The following DESI2 variants were observed in gnomAD, a reference collection of about 807,000 sequenced individuals.
DESI2 encodes deubiquitinase DESI2.
DESI2 carries 10 observed loss-of-function variants against 24.1 expected under a neutral mutation model. The observed-to-expected ratio is 0.41, with a 90% CI of 0.26 to 0.70. DESI2 has a LOEUF of 0.70. DESI2 is among the 30% of genes least tolerant of loss of function. The pLI is 0.29. For synonymous variants in DESI2, 71 were observed against 87.7 expected (o/e 0.81, Z 1.06); for missense variants, 122 against 234.9 (o/e 0.52, Z 3.14).
At position 244,692,718 on chromosome 1, in the gene DESI2, G is replaced by T. The variant is rs535157800; in HGVS notation, c.351+698G>T. Among the ~76,000 whole-genome samples the T allele has an allele frequency of 8.0e-4, 122 of 152,194 alleles. 2 individuals are homozygous for T. Among genetic ancestry groups the T allele is most frequent in the South Asian group, 1.2e-3 (6 of 4,824 alleles). On this transcript the variant is annotated intron_variant, in intron 4 of 4. Coordinates refer to ENST00000302550, the MANE Select transcript of DESI2 (RefSeq NM_016076.5). Reference sequence around the variant, plus strand: ...CCTCTGCAGAAATGCTTCGCTCCTTGGCCCTTTTTACTTCCCTCATGGCTT... The same window carrying T: ...CCTCTGCAGAAATGCTTCGCTCCTTTGCCCTTTTTACTTCCCTCATGGCTT...
rs1285040274 is a variant in DESI2, at chr1:244,708,041, G to C, written c.*2252G>C. ...CTTTAGAAAATCTCATTCAAGTCAG[G>C]TTCTTCTCTACAGTTCAAAATTGAG... is the stretch of plus-strand genomic sequence containing the variant. On this transcript the variant is annotated 3_prime_UTR_variant, in exon 5 of 5. Transcript: ENST00000302550. 1.3e-5 allele frequency: 2 copies of C among 152,118 alleles called. No individual in the cohort carries two copies. Among genetic ancestry groups the C allele is most frequent in the African/African-American group, 4.8e-5 (2 of 41,416 alleles). The allele number at this position is 152,118 out of a possible 1,614,324, so 9.4% of individuals were successfully genotyped here.
intron 1 of DESI2, among the ~76,000 whole-genome samples, chr1:244,686,396 C>T (rs1338178494): frequency 6.6e-6 from 1 of 151,960 alleles, no homozygotes; most frequent in East Asian, 1.9e-4. Flanking sequence ...TGTGCTTATA[C>T]TCAAATCGCG....
chr1:244,685,942 C>T (rs574263515), intron 1 of DESI2, among the ~76,000 whole-genome samples: 5 of 152,164 alleles, frequency 3.3e-5, no homozygotes, highest in Admixed American at 6.5e-5. Context: ...CTGTCCATCC[C>T]CATGGGCCCC....
rs551244764 is a variant in DESI2, at chr1:244,706,055, A to T, written c.*266A>T. 4.7e-5 allele frequency: 20 copies of T among 429,020 alleles called. No individual in the cohort carries two copies. The highest frequency in any genetic ancestry group is 2.4e-4 in the African/African-American group (12 of 50,164). 26.6% of individuals were successfully genotyped at this position (429,020 alleles called of 1,614,324 possible). A position where few individuals can be genotyped will look rare whatever the true frequency, so the allele number is the denominator to read the frequency against. ...CTTCTGTTTTATACAAGCTCTGTTAAGTTATGTTTACAGTATCTTGTATCG... is the reference window on the plus strand; with the variant it reads ...CTTCTGTTTTATACAAGCTCTGTTATGTTATGTTTACAGTATCTTGTATCG... On this transcript the variant is annotated 3_prime_UTR_variant, in exon 5 of 5. Coordinates refer to ENST00000302550, the MANE Select transcript of DESI2 (RefSeq NM_016076.5).
intron 1 of DESI2, among the ~76,000 whole-genome samples, chr1:244,675,134 T>C (rs1676373588): frequency 6.6e-6 from 1 of 152,166 alleles, no homozygotes; most frequent in Non-Finnish European, 1.5e-5. Context: ...CCTTTGCCCA[T>C]TTTTTAGTAG....
intron 3 of DESI2, among the ~76,000 whole-genome samples, chr1:244,690,316 G>A (rs895337150): frequency 2.3e-4 from 35 of 152,252 alleles, no homozygotes; most frequent in Non-Finnish European, 4.1e-4. Context: ...GAGAACATAC[G>A]GTGTTTGGTT....
intron 1 of DESI2, among the ~76,000 whole-genome samples, chr1:244,655,562 G>T (rs1675616981): frequency 6.6e-6 from 1 of 152,152 alleles, no homozygotes; most frequent in Non-Finnish European, 1.5e-5. Flanking sequence ...AAGGAATTTA[G>T]AGTATTGTAG....
chr1:244,674,196 A>G (rs913352862), intron 1 of DESI2, among the ~76,000 whole-genome samples: 1 of 151,846 alleles, frequency 6.6e-6, no homozygotes, highest in African/African-American at 2.4e-5. Flanking sequence ...ACGGGGTTTC[A>G]CCATATTGGT....
At chr1:244,667,369 T>G (rs1287241969) in intron 1 of DESI2, among the ~76,000 whole-genome samples, 1 of 152,100 alleles carries the variant, frequency 6.6e-6, no homozygotes, top group East Asian at 1.9e-4. Context: ...CCCATGCAAG[T>G]CCAAAATCCA....
At chr1:244,698,299 A>AT (rs1264607441) in intron 4 of DESI2, among the ~76,000 whole-genome samples, 1 of 152,152 alleles carries the variant, frequency 6.6e-6, no homozygotes, top group East Asian at 1.9e-4. Flanking sequence ...AGCCGATGAT[A>AT]TTTACTATGA....
At chr1:244,654,273 C>T (rs912262248) in intron 1 of DESI2, among the ~76,000 whole-genome samples, 1 of 152,156 alleles carries the variant, frequency 6.6e-6, no homozygotes, top group South Asian at 2.1e-4. Context: ...TGGATTAGTA[C>T]CTCTGACTGC....
intron 4 of DESI2, among the ~76,000 whole-genome samples, chr1:244,704,378 A>G (rs1677607538): frequency 6.6e-6 from 1 of 152,218 alleles, no homozygotes; most frequent in Admixed American, 6.5e-5. Flanking sequence ...CACAAGAGAA[A>G]AAGGATAATA....
intron 1 of DESI2, among the ~76,000 whole-genome samples, chr1:244,661,815 G>A (rs1675855722): frequency 6.6e-6 from 1 of 152,176 alleles, no homozygotes; most frequent in Admixed American, 6.5e-5. Context: ...ATCATTGATG[G>A]ACATTTGGGT....
chr1:244,661,859 G>A (rs1195530246), intron 1 of DESI2, among the ~76,000 whole-genome samples: 4 of 152,120 alleles, frequency 2.6e-5, no homozygotes, highest in African/African-American at 4.8e-5. Flanking sequence ...GAATAGTGCC[G>A]CAGTAAACAT....
At chr1:244,683,658 A>C (rs1558660726) in intron 1 of DESI2, among the ~76,000 whole-genome samples, 1 of 151,880 alleles carries the variant, frequency 6.6e-6, no homozygotes, top group Non-Finnish European at 1.5e-5. Context: ...CCTAACAAAT[A>C]TATCCTGGAA....
intron 1 of DESI2, among the ~76,000 whole-genome samples, chr1:244,659,422 A>G (rs765599232): frequency 4.6e-5 from 7 of 152,180 alleles, no homozygotes; most frequent in Non-Finnish European, 1.0e-4. Context: ...TCTGGGGGCA[A>G]ATCTGCTTCC....
intron 4 of DESI2, among the ~76,000 whole-genome samples, chr1:244,693,797 T>A (rs116217982): frequency 1.3e-5 from 2 of 152,184 alleles, no homozygotes; most frequent in African/African-American, 4.8e-5. Flanking sequence ...ACCTAGCCTG[T>A]TGGTGGCAGT....
chr1:244,661,331 G>A (rs1310095350), intron 1 of DESI2, among the ~76,000 whole-genome samples: 1 of 152,126 alleles, frequency 6.6e-6, no homozygotes, highest in Non-Finnish European at 1.5e-5. Flanking sequence ...GTTGCAGCAT[G>A]TATCAGAATT....
chr1:244,669,677 T>C (rs1336523854), intron 1 of DESI2, among the ~76,000 whole-genome samples: 1 of 151,716 alleles, frequency 6.6e-6, no homozygotes, highest in African/African-American at 2.4e-5. Context: ...AAACTCCATC[T>C]CAAAAAAAGA....
Sources: gnomAD v4.1 joint callset for allele counts (sites outside exome capture counted in the v4.1 genomes callset) on GRCh38, gnomAD v4.1.1 for gene constraint, MANE v1.5 for transcripts, NCBI Gene and HGNC (gene_info 2026-07-23, HGNC 2026-07-21) for gene names.